RNF112: variants seen among roughly 807,000 people sequenced by gnomAD.
RNF112 encodes ring finger protein 112, also known as brain finger protein.
RNF112 carries 34 observed loss-of-function variants against 64.7 expected under a neutral mutation model. The observed-to-expected ratio is 0.53, with a 90% confidence interval of 0.40 to 0.70. RNF112 has a LOEUF of 0.70. Ranked by LOEUF, RNF112 falls within the 30% of genes least tolerant of loss-of-function variation. The pLI, the probability that RNF112 is intolerant of heterozygous loss-of-function variation, is 0.00. For missense variants in RNF112, 734 were observed against 850.0 expected (o/e 0.86, Z 1.70); for synonymous variants, 345 against 344.5 (o/e 1.00, Z -0.02).
At chr17:19,414,327 C>T in intron 7 of RNF112, 122 bp from the exon 8 acceptor site, 1 of 1,260,236 alleles carries the variant, frequency 7.9e-7, no homozygotes. Context: ...AGGAGAACCC[C>T]AGGCTGCAAA....
rs1913694767 is a variant in RNF112, at chr17:19,412,515, C to T, written c.113C>T (p.Pro38Leu). ...CCCCACAGGTCCCATACACCTTTCC[C>T]CAAGTTGGAGCTAGGCCTGGGGCCC... is the stretch of plus-strand genomic sequence containing the variant. ...SGNSWSHTPF[P>L]KLELGLGPQP... The change falls in exon 3 of 14, where the codon CCC becomes CTC. Residue 38 changes from proline to leucine, a missense_variant. Transcript: ENST00000461366. The surrounding 1 kb of genome is among the most constrained non-coding windows in gnomAD (Gnocchi z 5.1). 8 of 1,613,222 alleles carry T rather than the reference C, an allele frequency of 5.0e-6. No homozygotes were observed. Among genetic ancestry groups the T allele is most frequent in the East Asian group, 2.2e-5 (1 of 44,842 alleles).
chr17:19,415,803 T>C lies in RNF112; in HGVS notation c.1524T>C (p.His508=), dbSNP rs748716692. ...STQKDAILAR[H]GVALLCKGRD... is the part of the protein sequence containing the mutation. ...AGAAAGATGCCATTCTGGCCCGCCA[T>C]GGTGTGGCCTTACTCTGCAAGGGGA... Residue 508 remains histidine, a synonymous_variant, in exon 14 of 14, where the codon CAT becomes CAC. Transcript: ENST00000461366. This position sits in a 1 kb window ranked among gnomAD's most constrained non-coding sequence, Gnocchi z 7.8. 1 of 1,613,700 alleles carries C rather than the reference T, an allele frequency of 6.2e-7. No individual in the cohort carries two copies. Among genetic ancestry groups the C allele is most frequent in the Non-Finnish European group, 8.5e-7 (1 of 1,179,858 alleles).
In RNF112 at chr17:19,415,911, T is replaced by C. The variant is rs1913874454; in HGVS notation, c.1632T>C (p.Cys544=). ...TGGACTCCTACACGATGCGCTTCTGTGGCCACCTAGCTGCTGTGGGGGGTG... is the reference window on the plus strand; with the variant it reads ...TGGACTCCTACACGATGCGCTTCTGCGGCCACCTAGCTGCTGTGGGGGGTG... ...AFMDSYTMRF[C]GHLAAVGGAV... The change falls in exon 14 of 14, where the codon TGT becomes TGC. Residue 544 remains cysteine, a synonymous_variant. Coordinates refer to ENST00000461366, the MANE Select transcript of RNF112 (RefSeq NM_007148.5). This position sits in a 1 kb window ranked among gnomAD's most constrained non-coding sequence, Gnocchi z 7.8. 6.2e-7 allele frequency: 1 copy of C among 1,609,764 alleles called. No individual in the cohort carries two copies. The highest frequency in any genetic ancestry group is 1.7e-5 in the Admixed American group (1 of 59,798).
Position 19,413,560 on chromosome 17 carries a change from C to G in RNF112, c.721-17C>G, listed in dbSNP as rs1913752339. The G allele has an allele frequency of 3.1e-6, 5 of 1,608,454 alleles. No homozygotes were observed. The East Asian group carries it at 1.1e-4, about 36-fold the overall frequency. On this transcript the variant is annotated splice_polypyrimidine_tract_variant and intron_variant, in intron 5 of 13. Coordinates refer to ENST00000461366, the MANE Select transcript of RNF112 (RefSeq NM_007148.5). This position sits in a 1 kb window ranked among gnomAD's most constrained non-coding sequence, Gnocchi z 5.9. Reference sequence around the variant, plus strand: ...GGCAGGCCTGGCCCCTTGGGTCTTTCCCTACCCCCTGCATAGGTGGCGGTG... The same window carrying G: ...GGCAGGCCTGGCCCCTTGGGTCTTTGCCTACCCCCTGCATAGGTGGCGGTG...
Position 19,413,327 on chromosome 17 carries a change from G to A in RNF112, c.636G>A (p.Gln212=). 1 of 1,613,324 alleles carries A rather than the reference G, an allele frequency of 6.2e-7. No individual in the cohort carries two copies. ...GRPRGGEASL[Q]GCRWGANGLA... Reference sequence around the variant, plus strand: ...CAAGAGGAGGAGAGGCATCCCTGCAGGGCTGCAGGTGGGGCGCCAATGGCC... The same window carrying A: ...CAAGAGGAGGAGAGGCATCCCTGCAAGGCTGCAGGTGGGGCGCCAATGGCC... Residue 212 remains glutamine, a synonymous_variant, in exon 5 of 14, where the codon CAG becomes CAA. Transcript: ENST00000461366. This position sits in a 1 kb window ranked among gnomAD's most constrained non-coding sequence, Gnocchi z 5.9.
chr17:19,411,811 G>C (rs1403386679), intron 2 of RNF112, 141 bp downstream of exon 2: 1 of 870,380 alleles, frequency 1.1e-6, no homozygotes, highest in Admixed American at 2.5e-5. Flanking sequence ...AGGCTGTGGA[G>C]GGAGGGACAG....
Position 19,416,087 on chromosome 17 carries a change from G to T in RNF112, c.1808G>T (p.Gly603Val), listed in dbSNP as rs1250739976. The change falls in exon 14 of 14, where the codon GGG becomes GTG. Residue 603 changes from glycine to valine, a missense_variant. Coordinates refer to ENST00000461366, the MANE Select transcript of RNF112 (RefSeq NM_007148.5). Reference protein sequence around the residue: ...AAVVGGGVGAGLAATVGCMEK... With the variant: ...AAVVGGGVGAVLAATVGCMEK... ...GTGGTTGGGGGTGGCGTGGGTGCTG[G>T]GTTGGCTGCCACAGTGGGCTGCATG... The T allele has an allele frequency of 6.3e-7, 1 of 1,580,948 alleles. No individual in the cohort carries two copies. The highest frequency in any genetic ancestry group is 8.6e-7 in the Non-Finnish European group (1 of 1,164,414).
intron 2 of RNF112, chr17:19,411,900 C>G: frequency 1.6e-6 from 1 of 607,866 alleles, no homozygotes; most frequent in African/African-American, 1.9e-5. Context: ...AGATCCAGAG[C>G]CATCTGCCCA....
Position 19,413,357 on chromosome 17 carries a change from C to T in RNF112, c.666C>T (p.Ala222=). The T allele has an allele frequency of 1.2e-6, 2 of 1,613,302 alleles. No homozygotes were observed. The highest frequency in any genetic ancestry group is 8.5e-7 in the Non-Finnish European group (1 of 1,179,642). ...QGCRWGANGL[A]RGIWMWSHPF... ...GCAGGTGGGGCGCCAATGGCCTCGC[C>T]AGGGGCATATGGATGTGGAGCCACC... is the stretch of plus-strand genomic sequence containing the variant. Residue 222 remains alanine (A), a synonymous_variant, in exon 5 of 14, where the codon GCC becomes GCT. Transcript: ENST00000461366. The surrounding 1 kb of genome is among the most constrained non-coding windows in gnomAD (Gnocchi z 5.9).
In RNF112 at chr17:19,413,742, C is replaced by A; in HGVS notation, c.825+61C>A. 1 of 1,291,862 alleles carries A rather than the reference C, an allele frequency of 7.7e-7. No individual in the cohort carries two copies. Among genetic ancestry groups the A allele is most frequent in the Non-Finnish European group, 1.1e-6 (1 of 927,598 alleles). 80.0% of individuals were successfully genotyped at this position (1,291,862 alleles called of 1,614,324 possible). A position where few individuals can be genotyped will look rare whatever the true frequency, so the allele number is the denominator to read the frequency against. On this transcript the variant is annotated intron_variant, in intron 6 of 13. Transcript: ENST00000461366. The surrounding 1 kb of genome is among the most constrained non-coding windows in gnomAD (Gnocchi z 5.9). ...ACACACCCTTCTCCAGCTCAGCTTC[C>A]TCAAGGCCAGAGCATCTCACAGGCT...
Position 19,413,540 on chromosome 17 carries a change from G to A in RNF112, c.721-37G>A, listed in dbSNP as rs770901815. 8.1e-6 allele frequency: 13 copies of A among 1,597,090 alleles called. No individual in the cohort carries two copies. Among genetic ancestry groups the A allele is most frequent in the East Asian group, 2.2e-5 (1 of 44,552 alleles). On this transcript the variant is annotated intron_variant, in intron 5 of 13. Transcript: ENST00000461366. This position sits in a 1 kb window ranked among gnomAD's most constrained non-coding sequence, Gnocchi z 5.9. ...GGAAGAATGTGGGAGAACAAGGCAG[G>A]CCTGGCCCCTTGGGTCTTTCCCTAC...
At position 19,413,499 on chromosome 17, in the gene RNF112, G is replaced by C. The variant is rs1296787264; in HGVS notation, c.721-78G>C. On this transcript the variant is annotated intron_variant, in intron 5 of 13. Transcript: ENST00000461366. The surrounding 1 kb of genome is among the most constrained non-coding windows in gnomAD (Gnocchi z 5.9). ...GGGGTGAGGATAGAAGATGGGGATG[G>C]GACGGGGCAGGGTTGGGAAGAATGT... The C allele has an allele frequency of 1.9e-6, 3 of 1,570,798 alleles. No individual in the cohort carries two copies. The African/African-American group carries it at 4.0e-5, about 21-fold the overall frequency.
rs764128350 is a variant in RNF112 at position 19,412,975 on chromosome 17, T to C, written c.419T>C (p.Val140Ala). The C allele has an allele frequency of 1.2e-6, 2 of 1,607,006 alleles. No homozygotes were observed. The highest frequency in any genetic ancestry group is 2.2e-5 in the East Asian group (1 of 44,616). The change falls in exon 4 of 14, where the codon GTT becomes GCT. Residue 140 changes from valine to alanine, a missense_variant. Transcript: ENST00000461366. This position sits in a 1 kb window ranked among gnomAD's most constrained non-coding sequence, Gnocchi z 5.1. ...CPVRAEPLLLVRINASGGLIL... is the reference protein window; with the variant it reads ...CPVRAEPLLLARINASGGLIL... ...GTGAGGGCGGAGCCGCTGCTGCTGG[T>C]TCGCATCAATGCCTCTGGGGGCCTC... is the stretch of plus-strand genomic sequence containing the variant.
chr17:19,414,249 G>A, intron 7 of RNF112, 104 bp downstream of exon 7: 1 of 1,205,522 alleles, frequency 8.3e-7, no homozygotes, highest in South Asian at 1.3e-5. Flanking sequence ...AGGGTTTTAT[G>A]ACACTTGAAC....
Position 19,415,959 on chromosome 17 carries a change from C to A in RNF112, c.1680C>A (p.Gly560=). 1.3e-6 allele frequency: 2 copies of A among 1,594,086 alleles called. No homozygotes were observed. The highest frequency in any genetic ancestry group is 2.3e-5 in the South Asian group (2 of 88,338). ...GTGCTGTGGGGGCCGGGCTCATGGG[C>A]CTGGCAGGGGGCGTGGTGGGTGCTG... is the stretch of plus-strand genomic sequence containing the variant. ...VGGAVGAGLM[G]LAGGVVGAGM... The change falls in exon 14 of 14, where the codon GGC becomes GGA. Residue 560 remains glycine (G), a synonymous_variant. Coordinates refer to ENST00000461366, the MANE Select transcript of RNF112 (RefSeq NM_007148.5). This position sits in a 1 kb window ranked among gnomAD's most constrained non-coding sequence, Gnocchi z 7.8.
Position 19,412,384 on chromosome 17 carries a change from G to A in RNF112, c.96-114G>A. 2.6e-6 allele frequency: 3 copies of A among 1,176,302 alleles called. No homozygotes were observed. Among genetic ancestry groups the A allele is most frequent in the South Asian group, 1.6e-5 (1 of 62,876 alleles). 72.9% of individuals were successfully genotyped at this position (1,176,302 alleles called of 1,614,324 possible). ...CCATGGAGGCACTGATGGAAATTGG[G>A]TTGGCACAAAGGGACCTCCACTCCC... On this transcript the variant is annotated intron_variant, in intron 2 of 13. Transcript: ENST00000461366. This position sits in a 1 kb window ranked among gnomAD's most constrained non-coding sequence, Gnocchi z 5.1.
At chr17:19,411,966 A>G in intron 2 of RNF112, 1 of 533,972 alleles carries the variant, frequency 1.9e-6, no homozygotes, top group Non-Finnish European at 3.4e-6. Flanking sequence ...GGGGTTGTGG[A>G]GGGTATCATC....
rs753486755 is a variant in RNF112 at position 19,415,178 on chromosome 17, A to T, written c.1267A>T (p.Thr423Ser). The T allele has an allele frequency of 9.3e-6, 15 of 1,606,984 alleles. No homozygotes were observed. The highest frequency in any genetic ancestry group is 1.1e-5 in the Non-Finnish European group (13 of 1,178,310). The change falls in exon 11 of 14, where the codon ACG becomes TCG. Residue 423 changes from threonine to serine, a missense_variant. Physicochemically the swap from Thr to Ser is moderately conservative, Grantham distance 58. Coordinates refer to ENST00000461366, the MANE Select transcript of RNF112 (RefSeq NM_007148.5). The surrounding 1 kb of genome is among the most constrained non-coding windows in gnomAD (Gnocchi z 7.8). Reference sequence around the variant, plus strand: ...GGCCAGGGGGGACAGACGCCTACTCACGGGGCAGCAGCTAGCTCAGGAAAT... The same window carrying T: ...GGCCAGGGGGGACAGACGCCTACTCTCGGGGCAGCAGCTAGCTCAGGAAAT... The part of the protein sequence containing the change: ...AVARGDRRLL[T>S]GQQLAQEIKN...
chr17:19,411,490 G>T (rs760742427), intron 1 of RNF112, 28 bp downstream of exon 1: 1 of 1,606,490 alleles, frequency 6.2e-7, no homozygotes, highest in Admixed American at 1.7e-5. Context: ...AGATCGGGAA[G>T]GAGAGTGGGG....
Sources: gnomAD v4.1 joint callset for allele counts on GRCh38, gnomAD v4.1.1 for gene constraint, Gnocchi (gnomAD v3.1) non-coding constraint, MANE v1.5 for transcripts, NCBI Gene and HGNC (gene_info 2026-07-23, HGNC 2026-07-21) for gene names.